Variants in PROX1 observed in about 807,000 individuals in gnomAD.
PROX1 encodes prospero homeobox protein 1.
A neutral mutation model predicts 58.8 loss-of-function variants in PROX1; 7 were observed. That is an observed-to-expected ratio of 0.12 (90% CI 0.07 to 0.22). The LOEUF (loss-of-function observed/expected upper bound fraction) is 0.22. PROX1 is among the 10% of genes least tolerant of loss of function. PROX1 has a pLI of 1.00. For missense variants in PROX1, 675 were observed against 927.8 expected, an observed-to-expected ratio of 0.73 and a Z score of 3.54; for synonymous variants, 350 against 358.3, an observed-to-expected ratio of 0.98 and a Z score of 0.26.
intron 2 of PROX1, among the ~76,000 whole-genome samples, chr1:214,002,059 CA>C (rs1210020814): frequency 6.6e-6 from 1 of 152,122 alleles, no homozygotes; most frequent in Non-Finnish European, 1.5e-5. Flanking sequence ...CTTTAGGTTT[CA>C]AATGTTTTGG....
chr1:213,989,754 G>A (rs1288321204), intron 1 of PROX1: 1 of 152,310 alleles, frequency 6.6e-6, no homozygotes, highest in Non-Finnish European at 1.5e-5. Context: ...TTGGTGGAGT[G>A]ATGGAGCGTG....
upstream of PROX1, chr1:213,983,852 G>A (rs1662760373): frequency 6.6e-6 from 1 of 152,188 alleles, no homozygotes; most frequent in Non-Finnish European, 1.5e-5. Context: ...CTCTCCAAAT[G>A]CTAACCCTCA....
At chr1:214,023,917 C>A (rs1664368337) in intron 4 of PROX1, among the ~76,000 whole-genome samples, 1 of 152,206 alleles carries the variant, frequency 6.6e-6, no homozygotes, top group African/African-American at 2.4e-5. Flanking sequence ...TGATGGGAAG[C>A]TGACCATATG....
chr1:213,994,703 A>T (rs1663177477), intron 1 of PROX1, among the ~76,000 whole-genome samples: 1 of 142,186 alleles, frequency 7.0e-6, no homozygotes, highest in Non-Finnish European at 1.5e-5. Flanking sequence ...AAGTTCAGGA[A>T]ATTTTATCCT....
intron 1 of PROX1, among the ~76,000 whole-genome samples, chr1:213,991,791 C>T (rs1663047073): frequency 6.6e-6 from 1 of 152,126 alleles, no homozygotes; most frequent in African/African-American, 2.4e-5. Context: ...TGTCTTATAT[C>T]ATTTTAGGGA....
intron 1 of PROX1, among the ~76,000 whole-genome samples, chr1:213,994,803 A>ATATATATAT (rs1558167657): frequency 8.1e-6 from 1 of 123,276 alleles, no homozygotes; most frequent in African/African-American, 3.0e-5. Context: ...ATATATATAT[A>ATATATATAT]AAGAGGTATC....
chr1:214,018,887 A>G (rs1415101225), intron 4 of PROX1, among the ~76,000 whole-genome samples: 1 of 152,232 alleles, frequency 6.6e-6, no homozygotes, highest in Non-Finnish European at 1.5e-5. Context: ...TAATATAGTC[A>G]TACCAAAAAG....
At position 213,998,266 on chromosome 1, in the gene PROX1, C is replaced by T. The variant is rs772798572; in HGVS notation, c.1725+6C>T. 2.0e-6 allele frequency: 3 copies of T among 1,528,088 alleles called. No individual in the cohort carries two copies. Among genetic ancestry groups the T allele is most frequent in the Non-Finnish European group, 2.6e-6 (3 of 1,138,604 alleles). The allele number at this position is 1,528,088 out of a possible 1,614,324, so 94.7% of individuals were successfully genotyped here. A position where few individuals can be genotyped will look rare whatever the true frequency, so the allele number is the denominator to read the frequency against. On this transcript the variant is annotated splice_donor_region_variant and intron_variant, in intron 2 of 4. Coordinates refer to ENST00000366958, the MANE Select transcript of PROX1 (RefSeq NM_001270616.2). ...CACCTTATTCGGGAAGTGCAATATC[C>T]TTTTATTTTCCCCTCGAGGAAAAAA...
chr1:214,011,583 C>T lies in PROX1; in HGVS notation c.1896C>T (p.Tyr632=). The T allele has an allele frequency of 6.2e-7, 1 of 1,614,036 alleles. No individual in the cohort carries two copies. ...KWFSNFREFY[Y]IQMEKYARQA... ...TTAGCAATTTCCGTGAGTTTTACTACATTCAGATGGAGAAGTACGCACGTC... is the reference window on the plus strand; with the variant it reads ...TTAGCAATTTCCGTGAGTTTTACTATATTCAGATGGAGAAGTACGCACGTC... The change falls in exon 4 of 5, where the codon TAC becomes TAT. Residue 632 remains tyrosine, a synonymous_variant. Transcript: ENST00000366958.
At chr1:214,035,608 CTG>C in intron 4 of PROX1, 39 bp from the exon 5 acceptor site, 1 of 1,567,990 alleles carries the variant, frequency 6.4e-7, no homozygotes, top group Non-Finnish European at 8.7e-7. Flanking sequence ...AGACTTGAAA[CTG>C]AAAACTTTAT....
intron 4 of PROX1, among the ~76,000 whole-genome samples, chr1:214,026,699 G>C (rs898776352): frequency 1.3e-5 from 2 of 152,112 alleles, no homozygotes; most frequent in Non-Finnish European, 2.9e-5. Context: ...AAAAGACAAA[G>C]ACTCAAATTC....
chr1:214,028,020 A>T (rs950511606), intron 4 of PROX1, among the ~76,000 whole-genome samples: 1 of 151,986 alleles, frequency 6.6e-6, no homozygotes, highest in Non-Finnish European at 1.5e-5. Context: ...ACAGCAAAAC[A>T]TGTAACTAGA....
chr1:213,983,763 A>G (rs916124924), upstream of PROX1: 1 of 152,198 alleles, frequency 6.6e-6, no homozygotes, highest in African/African-American at 2.4e-5. Flanking sequence ...CTTCGCTACT[A>G]TGGACTGAAG....
rs1288037680 is a variant in PROX1, at chr1:214,011,533, A to G, written c.1846A>G (p.Ile616Val). ...TTAAATTTAACAGTTCAACAGATGCATTACCTCTCAGCTCATCAAGTGGTT... is the reference window on the plus strand; with the variant it reads ...TTAAATTTAACAGTTCAACAGATGCGTTACCTCTCAGCTCATCAAGTGGTT... Reference protein sequence around the residue: ...YFSDVKFNRCITSQLIKWFSN... With the variant: ...YFSDVKFNRCVTSQLIKWFSN... Residue 616 changes from isoleucine (I) to valine (V), a missense_variant, in exon 4 of 5, where the codon ATT (isoleucine) becomes GTT (valine). Physicochemically the swap from Ile to Val is conservative, Grantham distance 29 (BLOSUM62 3). Coordinates refer to ENST00000366958, the MANE Select transcript of PROX1 (RefSeq NM_001270616.2). The G allele has an allele frequency of 6.2e-7, 1 of 1,612,094 alleles. No individual in the cohort carries two copies. The highest frequency in any genetic ancestry group is 8.5e-7 in the Non-Finnish European group (1 of 1,179,016).
At chr1:214,004,439 G>T (rs139036270) in intron 2 of PROX1, among the ~76,000 whole-genome samples, 3 of 152,164 alleles carry the variant, frequency 2.0e-5, no homozygotes, top group African/African-American at 7.2e-5. Context: ...CAACTACTGC[G>T]TCACTCTCAA....
At position 213,995,470 on chromosome 1, in the gene PROX1, T is replaced by C. The variant is rs1189551721; in HGVS notation, c.-67-999T>C. Among the ~76,000 whole-genome samples the C allele has an allele frequency of 2.0e-5, 3 of 151,992 alleles. No individual in the cohort carries two copies. In the East Asian group the frequency reaches 5.8e-4, roughly 29 times the overall value. Reference sequence around the variant, plus strand: ...CTTCTTTCAGTTTTTTCTGTTTTTTTTTTTCCTTTAATTTGGCACAGGAAA... The same window carrying C: ...CTTCTTTCAGTTTTTTCTGTTTTTTCTTTTCCTTTAATTTGGCACAGGAAA... On this transcript the variant is annotated intron_variant, in intron 1 of 4. Transcript: ENST00000366958.
chr1:214,008,176 CA>C lies in PROX1; in HGVS notation c.1833+2906del, dbSNP rs376551275. Among the ~76,000 whole-genome samples, 793 of 152,156 alleles carry C rather than the reference CA, an allele frequency of 5.2e-3. 8 individuals carry two copies. Among genetic ancestry groups the C allele is most frequent in the African/African-American group, 0.018 (755 of 41,490 alleles). Reference sequence around the variant, plus strand: ...AAGAGATTCTCCTGCCTCAGCCTCCCAAGAAGCTGGGATTACAGGAATGTGC... The same window carrying C: ...AAGAGATTCTCCTGCCTCAGCCTCCCAGAAGCTGGGATTACAGGAATGTGC... On this transcript the variant is annotated intron_variant, in intron 3 of 4. Coordinates refer to ENST00000366958, the MANE Select transcript of PROX1 (RefSeq NM_001270616.2).
In PROX1 at chr1:214,036,615, AT is replaced by A. The variant is rs1664838559; in HGVS notation, c.*783del. 6.6e-6 allele frequency: 1 copy of A among 152,212 alleles called. No homozygotes were observed. The highest frequency in any genetic ancestry group is 1.5e-5 in the Non-Finnish European group (1 of 68,038). The allele number at this position is 152,212 out of a possible 1,614,324, so 9.4% of individuals were successfully genotyped here. ...TCTTCTTCATAAGTGAGCTTACATC[AT>A]TCTTCATAAAGAAAAATCCTATAAC... On this transcript the variant is annotated 3_prime_UTR_variant, in exon 5 of 5. Coordinates refer to ENST00000366958, the MANE Select transcript of PROX1 (RefSeq NM_001270616.2).
chr1:214,011,460 TA>T (rs554089944), intron 3 of PROX1, 60 bp from the exon 4 acceptor site: 30 of 1,461,466 alleles, frequency 2.1e-5, no homozygotes, highest in Non-Finnish European at 2.7e-5. Context: ...TTCAGACACT[TA>T]AAAAAATAAA....
Sources: gnomAD v4.1 joint callset for allele counts (sites outside exome capture counted in the v4.1 genomes callset) on GRCh38, gnomAD v4.1.1 for gene constraint, MANE v1.5 for transcripts, NCBI Gene and HGNC (gene_info 2026-07-23, HGNC 2026-07-21) for gene names.